The following ARNT variants were observed in gnomAD, a reference collection of about 807,000 sequenced individuals.
ARNT encodes the protein aryl hydrocarbon receptor nuclear translocator.
A neutral mutation model predicts 105.0 loss-of-function variants in ARNT; 30 were observed. The observed-to-expected ratio is 0.29, with a 90% CI of 0.21 to 0.39. The LOEUF is 0.39. Among genes scored for constraint, ARNT ranks in the 10% least tolerant of loss-of-function variants. The pLI, the probability that ARNT is intolerant of heterozygous loss-of-function variation, is 1.00. For synonymous variants in ARNT, 304 were observed against 344.0 expected (o/e 0.88, Z 1.29); for missense variants, 748 against 978.7 (o/e 0.76, Z 3.15).
chr1:150,871,319 T>C lies in ARNT; in HGVS notation c.25+5224A>G, dbSNP rs866830475. Among the ~76,000 whole-genome samples the C allele has an allele frequency of 4.2e-4, 53 of 127,280 alleles. No individual in the cohort carries two copies. The South Asian group carries it at 9.7e-3, about 23-fold the overall frequency. 83.5% of individuals were successfully genotyped at this position (127,280 alleles called of 152,430 possible). On this transcript the variant is annotated intron_variant, in intron 1 of 21. Coordinates refer to ENST00000358595, the MANE Select transcript of ARNT (RefSeq NM_001668.4). ...GTTTTTTTTTTTTTTTTTTTTTTTT[T>C]AGACGGAGTCTCACTCTGTCGCCCA...
In ARNT at chr1:150,876,550, G is replaced by A. The variant is rs1668300888; in HGVS notation, c.18C>T (p.Ala6=). Residue 6 remains alanine, a synonymous_variant, in exon 1 of 22, where the codon GCC becomes GCT. Transcript: ENST00000358595. ...AGTCCTCCGTCTCCTCACCGGGGTTGGCAGTAGTCGCCGCCATGGCCGCAG... is the reference window on the plus strand; with the variant it reads ...AGTCCTCCGTCTCCTCACCGGGGTTAGCAGTAGTCGCCGCCATGGCCGCAG... MAATT[A]NPEMTSDVPS... The A allele has an allele frequency of 1.3e-6, 2 of 1,550,474 alleles. No homozygotes were observed. The highest frequency in any genetic ancestry group is 1.4e-5 in the African/African-American group (1 of 73,240).
rs995825326 is a variant in ARNT, at chr1:150,863,930, T to A, written c.26-5470A>T. 1.3e-4 allele frequency among the ~76,000 whole-genome samples: 20 copies of A among 152,164 alleles called. 1 individual carries two copies. Among genetic ancestry groups the A allele is most frequent in the African/African-American group, 4.8e-4 (20 of 41,456 alleles). On this transcript the variant is annotated intron_variant, in intron 1 of 21. Transcript: ENST00000358595. The stretch of plus-strand genomic sequence containing the variant: ...TGTATCACTTAACAACAGGGATATG[T>A]TCTGAGAAATGTGTCATTAGGAGAT...
At chr1:150,868,490 G>C (rs796157186) in intron 1 of ARNT, among the ~76,000 whole-genome samples, 13 of 152,318 alleles carry the variant, frequency 8.5e-5, no homozygotes, top group African/African-American at 3.1e-4. Context: ...GGAGTATCAA[G>C]AACTTGTAGA....
intron 4 of ARNT, among the ~76,000 whole-genome samples, chr1:150,843,699 T>G (rs1661666217): frequency 6.6e-6 from 1 of 152,132 alleles, no homozygotes; most frequent in African/African-American, 2.4e-5. Flanking sequence ...CCTCCCAAAG[T>G]GCTGGAATTA....
intron 20 of ARNT, 70 bp downstream of exon 20, chr1:150,814,007 C>CT: frequency 6.4e-7 from 1 of 1,566,290 alleles, no homozygotes. Flanking sequence ...AGGCAAACAA[C>CT]TTTAACTACC....
chr1:150,861,412 C>T lies in ARNT; in HGVS notation c.26-2952G>A, dbSNP rs1481619890. On this transcript the variant is annotated intron_variant, in intron 1 of 21. Coordinates refer to ENST00000358595, the MANE Select transcript of ARNT (RefSeq NM_001668.4). Reference sequence around the variant, plus strand: ...GGTATATACCTGAAAGAATTGAAAGCAGGGTCTCAAAGAAACATTTGTATA... The same window carrying T: ...GGTATATACCTGAAAGAATTGAAAGTAGGGTCTCAAAGAAACATTTGTATA... 3.3e-5 allele frequency: 9 copies of T among 272,498 alleles called. 1 individual carries two copies. Among genetic ancestry groups the T allele is most frequent in the South Asian group, 2.5e-4 (8 of 32,546 alleles). 16.9% of individuals were successfully genotyped at this position (272,498 alleles called of 1,614,324 possible). A position where few individuals can be genotyped will look rare whatever the true frequency, so the allele number is the denominator to read the frequency against.
intron 3 of ARNT, among the ~76,000 whole-genome samples, chr1:150,847,286 C>G (rs959850479): frequency 1.3e-5 from 2 of 152,044 alleles, no homozygotes; most frequent in African/African-American, 4.8e-5. Context: ...CAAAAATTAG[C>G]TGGGTGTGGT....
chr1:150,816,709 G>A, intron 18 of ARNT, 79 bp downstream of exon 18: 3 of 1,435,020 alleles, frequency 2.1e-6, no homozygotes, highest in Non-Finnish European at 1.9e-6. Context: ...ACCAGAGAAA[G>A]CAAGGGAAGA....
chr1:150,873,331 C>T (rs947467896), intron 1 of ARNT, among the ~76,000 whole-genome samples: 39 of 151,570 alleles, frequency 2.6e-4, no homozygotes, highest in African/African-American at 9.4e-4. Context: ...CAAAACTTGT[C>T]TAGTCCATAG....
At chr1:150,823,919 T>G (rs1657654530) in intron 13 of ARNT, among the ~76,000 whole-genome samples, 2 of 150,272 alleles carry the variant, frequency 1.3e-5, no homozygotes, top group Non-Finnish European at 3.0e-5. Flanking sequence ...CTCGGCTCAC[T>G]ACAACCTCCG....
At chr1:150,832,855 A>T (rs1394407694) in intron 8 of ARNT, among the ~76,000 whole-genome samples, 1 of 152,198 alleles carries the variant, frequency 6.6e-6, no homozygotes, top group Non-Finnish European at 1.5e-5. Context: ...TAATTGCTAC[A>T]GTTCATTATT....
intron 14 of ARNT, among the ~76,000 whole-genome samples, chr1:150,821,341 G>A (rs190904683): frequency 1.1e-4 from 16 of 152,226 alleles, no homozygotes; most frequent in Non-Finnish European, 2.1e-4. Context: ...GTTATTCAAG[G>A]TTTCAGTATT....
chr1:150,847,301 C>T (rs1319746115), intron 3 of ARNT, among the ~76,000 whole-genome samples: 3 of 151,840 alleles, frequency 2.0e-5, no homozygotes, highest in East Asian at 1.9e-4. Flanking sequence ...TGTGGTGGCA[C>T]GTGCTTATAG....
intron 5 of ARNT, chr1:150,842,093 TC>T (rs1424841261): frequency 1.2e-4 from 21 of 174,690 alleles, no homozygotes; most frequent in Admixed American, 2.0e-4. Context: ...AAAGAGTATT[TC>T]CCTGTTAAAG....
At chr1:150,830,024 T>TTG in intron 10 of ARNT, 44 bp from the exon 11 acceptor site, 1 of 1,593,916 alleles carries the variant, frequency 6.3e-7, no homozygotes, top group Non-Finnish European at 8.6e-7. Context: ...GACCTCCAAC[T>TTG]CAAATGCCTT....
chr1:150,875,763 A>G (rs887035858), intron 1 of ARNT, among the ~76,000 whole-genome samples: 2 of 152,224 alleles, frequency 1.3e-5, no homozygotes, highest in African/African-American at 4.8e-5. Flanking sequence ...TTGATATTTG[A>G]TTATTTTTTG....
chr1:150,832,309 T>G, intron 9 of ARNT, 25 bp downstream of exon 9: 1 of 1,613,646 alleles, frequency 6.2e-7, no homozygotes, highest in Non-Finnish European at 8.5e-7. Context: ...GCCATCCCTT[T>G]GGTTTTCACC....
chr1:150,837,246 T>C (rs1375630041), intron 6 of ARNT, among the ~76,000 whole-genome samples: 1 of 152,116 alleles, frequency 6.6e-6, no homozygotes, highest in African/African-American at 2.4e-5. Context: ...CCACCTCATC[T>C]CTCTTTTTCA....
intron 9 of ARNT, 21 bp from the exon 10 acceptor site, chr1:150,831,924 T>TC: frequency 7.3e-7 from 1 of 1,368,332 alleles, no homozygotes; most frequent in Non-Finnish European, 9.9e-7. Context: ...TACAGGAGTT[T>TC]GAAAAAAAAA....
Sources: gnomAD v4.1 joint callset for allele counts (sites outside exome capture counted in the v4.1 genomes callset) on GRCh38, gnomAD v4.1.1 for gene constraint, MANE v1.5 for transcripts, NCBI Gene and HGNC (gene_info 2026-07-23, HGNC 2026-07-21) for gene names.